Variants in SHROOM2 observed in about 807,000 individuals in gnomAD.
The protein encoded by SHROOM2 is protein Shroom2.
SHROOM2 carries 33 observed loss-of-function variants against 75.9 expected under a neutral mutation model. That is an observed-to-expected ratio of 0.43 (90% CI 0.33 to 0.58). The LOEUF (loss-of-function observed/expected upper bound fraction) is 0.58. Ranked by LOEUF, SHROOM2 falls within the 20% of genes least tolerant of loss-of-function variation. SHROOM2 has a pLI of 0.04. For missense variants in SHROOM2, 1,434 were observed against 1,461.2 expected (o/e 0.98, Z 0.30); for synonymous variants, 655 against 663.6 (o/e 0.99, Z 0.20).
intron 1 of SHROOM2, among the ~76,000 whole-genome samples, chrX:9,857,579 G>C (rs1158071094): frequency 9.1e-6 from 1 of 109,350 alleles, no homozygotes; most frequent in Non-Finnish European, 1.9e-5. Context: ...TGTAGAGATA[G>C]GGCCTCACCA....
rs1173122928 is a variant in SHROOM2, at chrX:9,898,250, C to T, written c.2851C>T (p.Pro951Ser). 8.4e-7 allele frequency: 1 copy of T among 1,184,717 alleles called. No homozygotes were observed. Among genetic ancestry groups the T allele is most frequent in the Non-Finnish European group, 1.1e-6 (1 of 882,049 alleles). ...CCCCGGCGAGCCCAGAGAAGAGCTT[C>T]CCTCCGCAGTCCGGGCCGAGGAGGG... is the stretch of plus-strand genomic sequence containing the variant. Reference protein sequence around the residue: ...GDPGEPREELPSAVRAEEGQS... With the variant: ...GDPGEPREELSSAVRAEEGQS... The change falls in exon 5 of 10, where the codon CCC (proline) becomes TCC (serine). Residue 951 changes from proline (P) to serine (S), a missense_variant. Physicochemically the swap from Pro to Ser is moderately conservative, Grantham distance 74. Around this residue, in one of 3 missense-constraint regions of SHROOM2, gnomAD observed 1,340 missense variants for 1,338.3 expected, o/e 1.00. Coordinates refer to ENST00000380913, the MANE Select transcript of SHROOM2 (RefSeq NM_001649.4).
intron 1 of SHROOM2, among the ~76,000 whole-genome samples, chrX:9,807,575 C>G (rs773544874): frequency 8.9e-6 from 1 of 112,113 alleles, no homozygotes; most frequent in Non-Finnish European, 1.9e-5. Context: ...TGCTGTGCCA[C>G]GGAAATAAAA....
intron 1 of SHROOM2, among the ~76,000 whole-genome samples, chrX:9,827,424 C>T (rs762905441): frequency 9.3e-6 from 1 of 107,591 alleles, no homozygotes; most frequent in African/African-American, 3.4e-5. Context: ...CAGACAGGCA[C>T]CAAGCATTCT....
At position 9,894,475 on chromosome X, in the gene SHROOM2, G is replaced by A. The variant is rs377463965; in HGVS notation, c.567G>A (p.Ser189=). 8 of 1,211,225 alleles carry A rather than the reference G, an allele frequency of 6.6e-6. No homozygotes were observed. The Admixed American group carries it at 1.3e-4, about 20-fold the overall frequency. The stretch of plus-strand genomic sequence containing the variant: ...TGGACCACCCCTCCAGTCGCCTCTC[G>A]GTGGCCAAGTCCAACAGCAGCATCG... ...DSLDHPSSRL[S]VAKSNSSIDH... Residue 189 remains serine (S), a synonymous_variant, in exon 4 of 10, where the codon TCG becomes TCA. Coordinates refer to ENST00000380913, the MANE Select transcript of SHROOM2 (RefSeq NM_001649.4).
chrX:9,947,108 T>TAA lies in SHROOM2; in HGVS notation c.*172_*173dup. ...TTGTGTTTGTGTGGGATGATTTATT[T>TAA]AATTTTTTAGTTTCCCCTTTGATTG... On this transcript the variant is annotated 3_prime_UTR_variant, in exon 10 of 10. Coordinates refer to ENST00000380913, the MANE Select transcript of SHROOM2 (RefSeq NM_001649.4). 1.9e-6 allele frequency: 1 copy of TAA among 523,504 alleles called. No individual in the cohort carries two copies. The highest frequency in any genetic ancestry group is 3.4e-5 in the South Asian group (1 of 29,387). The allele number at this position is 523,504 out of a possible 1,213,427, so 43.1% of individuals were successfully genotyped here. A position where few individuals can be genotyped will look rare whatever the true frequency, so the allele number is the denominator to read the frequency against.
intron 7 of SHROOM2, 44 bp from the exon 8 acceptor site, chrX:9,939,151 C>A (rs1449569665): frequency 8.9e-6 from 10 of 1,117,480 alleles, no homozygotes; most frequent in Non-Finnish European, 1.2e-5. Context: ...GGGCTGTTTG[C>A]GTGCACAGTC....
chrX:9,903,199 A>G lies in SHROOM2; in HGVS notation c.2891+4909A>G, dbSNP rs150395861. Among the ~76,000 whole-genome samples the G allele has an allele frequency of 8.0e-4, 90 of 111,891 alleles. 2 individuals are homozygous for G. The East Asian group carries it at 0.021, about 26-fold the overall frequency. On this transcript the variant is annotated intron_variant, in intron 5 of 9. Transcript: ENST00000380913. The stretch of plus-strand genomic sequence containing the variant: ...ATAAGTAACAGAGATTTATCATCCA[A>G]GCTCTCCCCCTCATTTGTCACTTTA...
At chrX:9,787,338 T>G (rs954681741) in intron 1 of SHROOM2, among the ~76,000 whole-genome samples, 5 of 108,782 alleles carry the variant, frequency 4.6e-5, no homozygotes, top group Non-Finnish European at 9.6e-5. Context: ...ATCAGGAATG[T>G]TGTGTGTGTG....
intron 1 of SHROOM2, among the ~76,000 whole-genome samples, chrX:9,815,359 A>G (rs779258001): frequency 9.1e-4 from 100 of 109,480 alleles, no homozygotes; most frequent in Non-Finnish European, 1.7e-3. Flanking sequence ...CTGTTCCTCT[A>G]GAACCACTCT....
In SHROOM2 at chrX:9,874,920, A is replaced by T. The variant is rs2299823; in HGVS notation, c.317+1117A>T. On this transcript the variant is annotated intron_variant, in intron 2 of 9. Transcript: ENST00000380913. Reference sequence around the variant, plus strand: ...TGGGACCCCATCTCTCTCTCAAAAAATTTTTTTTTAATTAGCTGGGCATGA... The same window carrying T: ...TGGGACCCCATCTCTCTCTCAAAAATTTTTTTTTTAATTAGCTGGGCATGA... Among the ~76,000 whole-genome samples, 848 of 104,082 alleles carry T rather than the reference A, an allele frequency of 8.1e-3. 15 individuals are homozygous for T. The East Asian group carries it at 0.09, about 11-fold the overall frequency. The allele number at this position is 104,082 out of a possible 115,157, so 90.4% of individuals were successfully genotyped here.
chrX:9,885,585 A>G (rs1279714573), intron 2 of SHROOM2, among the ~76,000 whole-genome samples: 1 of 111,750 alleles, frequency 8.9e-6, no homozygotes, highest in East Asian at 2.8e-4. Context: ...CACTGTCCAC[A>G]GTAACCAAGA....
At chrX:9,941,431 C>T (rs1296994563) in intron 8 of SHROOM2, among the ~76,000 whole-genome samples, 3 of 112,405 alleles carry the variant, frequency 2.7e-5, no homozygotes, top group Non-Finnish European at 5.6e-5. Context: ...CTGTCCCAGG[C>T]CAGGTCTTGT....
chrX:9,891,435 A>G (rs1228829744), intron 3 of SHROOM2, among the ~76,000 whole-genome samples: 1 of 112,363 alleles, frequency 8.9e-6, no homozygotes, highest in Non-Finnish European at 1.9e-5. Context: ...GGTTTTACAC[A>G]TGGACTGGAA....
chrX:9,912,775 G>A (rs2084441947), intron 5 of SHROOM2: 1 of 112,000 alleles, frequency 8.9e-6, no homozygotes, highest in Admixed American at 9.5e-5. Context: ...TGGTGAGGTC[G>A]GCGAATGTGT....
chrX:9,930,748 GTTTTGT>G, intron 5 of SHROOM2, among the ~76,000 whole-genome samples: 1 of 110,530 alleles, frequency 9.0e-6, no homozygotes, highest in East Asian at 2.9e-4. Flanking sequence ...GTTTTGTTTT[GTTTTGT>G]TTTTTTGAGA....
rs1049811900 is a variant in SHROOM2 at position 9,947,915 on chromosome X, G to A, written c.*978G>A. ...CCCCTTCCTCTTCAGAGGTCCCGTG[G>A]ACTACACAGCTCCTGAGCTTGATCT... On this transcript the variant is annotated 3_prime_UTR_variant, in exon 10 of 10. Coordinates refer to ENST00000380913, the MANE Select transcript of SHROOM2 (RefSeq NM_001649.4). 2.7e-5 allele frequency: 3 copies of A among 112,273 alleles called. No homozygotes were observed. The highest frequency in any genetic ancestry group is 9.7e-5 in the African/African-American group (3 of 30,847). 9.3% of individuals were successfully genotyped at this position (112,273 alleles called of 1,213,427 possible).
chrX:9,938,144 T>C (rs1002047676), intron 7 of SHROOM2, among the ~76,000 whole-genome samples: 4 of 111,091 alleles, frequency 3.6e-5, no homozygotes, highest in African/African-American at 1.3e-4. Context: ...AGCCCCCACG[T>C]GTCCCTAGTG....
intron 2 of SHROOM2, among the ~76,000 whole-genome samples, chrX:9,884,220 G>T (rs1050723432): frequency 1.2e-4 from 13 of 110,861 alleles, no homozygotes; most frequent in African/African-American, 3.9e-4. Flanking sequence ...CCCAGACCCT[G>T]CCTTGGCCTC....
chrX:9,822,127 C>G (rs948020587), intron 1 of SHROOM2, among the ~76,000 whole-genome samples: 1 of 112,122 alleles, frequency 8.9e-6, no homozygotes, highest in African/African-American at 3.2e-5. Flanking sequence ...ATTTTTGGTG[C>G]TGGATCTGAC....
Sources: gnomAD v4.1 joint callset for allele counts (sites outside exome capture counted in the v4.1 genomes callset) on GRCh38, gnomAD v4.1.1 for gene constraint, gnomAD v4.1.1 regional missense constraint, MANE v1.5 for transcripts, NCBI Gene and HGNC (gene_info 2026-07-23, HGNC 2026-07-21) for gene names.